The following MEGF11 variants were observed in gnomAD, a reference collection of about 807,000 sequenced individuals.
MEGF11 encodes the protein multiple EGF like domains 11.
In MEGF11, 126 loss-of-function variants were observed where a neutral mutation model predicts 146.6. That is an observed-to-expected ratio of 0.86 (90% CI 0.74 to 1.00). MEGF11 has a LOEUF of 1.00. Ranked by LOEUF, MEGF11 falls within the 50% of genes least tolerant of loss-of-function variation. The probability of loss-of-function intolerance (pLI) is 0.00; values close to 1 mark genes in which losing one functional copy is unlikely to be tolerated. For missense variants in MEGF11, 1,509 were observed against 1,521.2 expected, an observed-to-expected ratio of 0.99 and a Z score of 0.13; for synonymous variants, 532 against 583.4, an observed-to-expected ratio of 0.91 and a Z score of 1.27.
intron 5 of MEGF11, among the ~76,000 whole-genome samples, chr15:66,060,931 C>T (rs568454795): frequency 6.6e-6 from 1 of 152,350 alleles, no homozygotes; most frequent in East Asian, 1.9e-4. Context: ...GGCAAACCCA[C>T]CTGCTGTGCC....
At chr15:66,042,911 C>T (rs894650133) in intron 5 of MEGF11, among the ~76,000 whole-genome samples, 15 of 152,098 alleles carry the variant, frequency 9.9e-5, no homozygotes, top group Admixed American at 7.2e-4. Context: ...CAAATAAGGT[C>T]GGTCACATTC....
At chr15:66,210,781 A>G (rs756374381) in intron 1 of MEGF11, among the ~76,000 whole-genome samples, 7 of 152,206 alleles carry the variant, frequency 4.6e-5, no homozygotes, top group Non-Finnish European at 8.8e-5. Context: ...TCTCAGGAGC[A>G]GGAAGCACAT....
intron 1 of MEGF11, among the ~76,000 whole-genome samples, chr15:66,225,774 AG>A (rs2091839247): frequency 1.3e-5 from 2 of 152,206 alleles, no homozygotes; most frequent in Non-Finnish European, 2.9e-5. Flanking sequence ...GCTCACATGA[AG>A]GCATATGTTT....
chr15:66,022,703 G>A (rs1443685146), intron 5 of MEGF11, among the ~76,000 whole-genome samples: 2 of 151,938 alleles, frequency 1.3e-5, no homozygotes, highest in Admixed American at 1.3e-4. Flanking sequence ...GGTGGCGCAT[G>A]CCTGTACTTC....
chr15:66,211,445 A>C (rs1374305646), intron 1 of MEGF11, among the ~76,000 whole-genome samples: 2 of 151,182 alleles, frequency 1.3e-5, no homozygotes, highest in African/African-American at 4.9e-5. Context: ...AATGGCGTGA[A>C]CCCGGGAGGG....
At chr15:66,005,011 C>A (rs771330650) in intron 5 of MEGF11, among the ~76,000 whole-genome samples, 4 of 152,158 alleles carry the variant, frequency 2.6e-5, no homozygotes, top group Non-Finnish European at 5.9e-5. Flanking sequence ...CGCTTGAGCC[C>A]AGGAGTTCGA....
At chr15:65,974,230 A>G (rs575447650) in intron 7 of MEGF11, among the ~76,000 whole-genome samples, 1 of 152,176 alleles carries the variant, frequency 6.6e-6, no homozygotes, top group East Asian at 1.9e-4. Flanking sequence ...CATTCAGCTT[A>G]GACTCTCCTC....
intron 5 of MEGF11, among the ~76,000 whole-genome samples, chr15:66,018,879 GGA>G (rs2082992742): frequency 6.6e-6 from 1 of 152,168 alleles, no homozygotes; most frequent in Non-Finnish European, 1.5e-5. Flanking sequence ...GTGTAGAGCA[GGA>G]GAGAAGAGAA....
At chr15:66,224,391 A>G (rs938079072) in intron 1 of MEGF11, among the ~76,000 whole-genome samples, 3 of 151,984 alleles carry the variant, frequency 2.0e-5, no homozygotes, top group Admixed American at 1.3e-4. Context: ...CCTGGCCAAC[A>G]TGGCAAAACC....
intron 1 of MEGF11, among the ~76,000 whole-genome samples, chr15:66,206,655 A>G (rs2091307238): frequency 6.6e-6 from 1 of 152,194 alleles, no homozygotes; most frequent in Non-Finnish European, 1.5e-5. Flanking sequence ...TAATCCCAGC[A>G]CTTTGGAGGC....
At chr15:66,197,491 C>T (rs2091037524) in intron 1 of MEGF11, among the ~76,000 whole-genome samples, 1 of 152,146 alleles carries the variant, frequency 6.6e-6, no homozygotes, top group South Asian at 2.1e-4. Flanking sequence ...GGTGCGATCT[C>T]AACTCACTAC....
intron 1 of MEGF11, among the ~76,000 whole-genome samples, chr15:66,187,448 G>A (rs1298083822): frequency 6.6e-6 from 1 of 152,334 alleles, no homozygotes; most frequent in African/African-American, 2.4e-5. Context: ...GCCTCTGAGG[G>A]TGGAAGTCCT....
At chr15:66,157,674 G>A (rs1041659698) in intron 1 of MEGF11, among the ~76,000 whole-genome samples, 1 of 152,152 alleles carries the variant, frequency 6.6e-6, no homozygotes, top group Non-Finnish European at 1.5e-5. Flanking sequence ...TCCTGCAGAC[G>A]CCTGACAGAG....
At chr15:66,008,917 C>T (rs1352312747) in intron 5 of MEGF11, among the ~76,000 whole-genome samples, 1 of 152,084 alleles carries the variant, frequency 6.6e-6, no homozygotes, top group African/African-American at 2.4e-5. Context: ...CTGCCTCTAT[C>T]TTACAACAGC....
chr15:66,223,904 T>C (rs770375819), intron 1 of MEGF11, among the ~76,000 whole-genome samples: 41 of 152,210 alleles, frequency 2.7e-4, no homozygotes, highest in Admixed American at 1.7e-3. Context: ...CTCCTGTACG[T>C]CCCCCTCCTT....
chr15:65,991,122 G>A (rs531972681), intron 5 of MEGF11, among the ~76,000 whole-genome samples: 116 of 152,204 alleles, frequency 7.6e-4, no homozygotes, highest in African/African-American at 2.5e-3. Context: ...TAACCACACC[G>A]TCTATACCTC....
At chr15:65,917,476 G>A (rs893591817) in intron 16 of MEGF11, among the ~76,000 whole-genome samples, 7 of 152,184 alleles carry the variant, frequency 4.6e-5, no homozygotes, top group Non-Finnish European at 1.5e-5. Flanking sequence ...CAGGGTCTCT[G>A]TCCTTAGTTT....
chr15:65,922,068 A>G (rs2079187890), intron 15 of MEGF11: 1 of 498,534 alleles, frequency 2.0e-6, no homozygotes. Flanking sequence ...TCCCTTCAGC[A>G]TGCATGTCGG....
chr15:66,175,842 G>A (rs60835945), intron 1 of MEGF11, among the ~76,000 whole-genome samples: 36,949 of 151,962 alleles, frequency 0.24, 4,876 homozygotes, highest in South Asian at 0.36. Context: ...AAACTAAAAA[G>A]TTCTACACAA....
Sources: gnomAD v4.1 joint callset for allele counts (sites outside exome capture counted in the v4.1 genomes callset) on GRCh38, gnomAD v4.1.1 for gene constraint, MANE v1.5 for transcripts, NCBI Gene and HGNC (gene_info 2026-07-23, HGNC 2026-07-21) for gene names.